The following ADRA1B variants were observed in gnomAD, a reference collection of about 807,000 sequenced individuals.
ADRA1B encodes alpha-1B adrenergic receptor.
A neutral mutation model predicts 17.9 loss-of-function variants in ADRA1B; 17 were observed. The ratio of observed to expected loss-of-function variants is 0.95; its 90% CI spans 0.65 to 1.42. ADRA1B has a LOEUF of 1.42. Ranked by LOEUF, ADRA1B falls within the 40% of genes most tolerant of loss-of-function variation. The pLI is 0.00. For synonymous variants in ADRA1B, 366 were observed against 327.6 expected (o/e 1.12, Z -1.27); for missense variants, 681 against 722.1 (o/e 0.94, Z 0.65).
At chr5:159,886,238 G>C (rs953006295) in intron 1 of ADRA1B, among the ~76,000 whole-genome samples, 4 of 152,132 alleles carry the variant, frequency 2.6e-5, no homozygotes, top group African/African-American at 9.7e-5. Context: ...TAAATGTCTG[G>C]CTCTTTTTTC....
At chr5:159,903,179 G>A (rs1277654862) in intron 1 of ADRA1B, among the ~76,000 whole-genome samples, 1 of 152,134 alleles carries the variant, frequency 6.6e-6, no homozygotes, top group East Asian at 1.9e-4. Context: ...CCAGGCAAGA[G>A]GCCCTGAAAA....
intron 1 of ADRA1B, among the ~76,000 whole-genome samples, chr5:159,945,801 G>A (rs1289615047): frequency 6.6e-6 from 1 of 150,524 alleles, no homozygotes; most frequent in Non-Finnish European, 1.5e-5. Flanking sequence ...AGGCTGGAGT[G>A]CAGTGGCGCG....
chr5:159,956,278 A>G (rs549267482), intron 1 of ADRA1B, among the ~76,000 whole-genome samples: 1 of 152,196 alleles, frequency 6.6e-6, no homozygotes, highest in Non-Finnish European at 1.5e-5. Flanking sequence ...TGCAAAAAGA[A>G]TTTTAAATAC....
At chr5:159,973,787 T>A (rs879347191), downstream of ADRA1B, among the ~76,000 whole-genome samples, 3 of 152,200 alleles carry the variant, frequency 2.0e-5, no homozygotes, top group Non-Finnish European at 2.9e-5. Flanking sequence ...CTTCCCTCTC[T>A]GGATCTTGGT....
upstream of ADRA1B, among the ~76,000 whole-genome samples, chr5:159,912,120 T>C (rs187078297): frequency 6.6e-6 from 1 of 152,318 alleles, no homozygotes; most frequent in East Asian, 1.9e-4. Flanking sequence ...CAGATAGTAT[T>C]ACTATTACTC....
chr5:159,889,456 C>T (rs1753959396), intron 1 of ADRA1B, among the ~76,000 whole-genome samples: 1 of 152,104 alleles, frequency 6.6e-6, no homozygotes, highest in Admixed American at 6.6e-5. Flanking sequence ...GGAGGGAATT[C>T]CCCATTGTCC....
At chr5:159,904,166 T>C (rs1754133162) in intron 1 of ADRA1B, among the ~76,000 whole-genome samples, 1 of 152,218 alleles carries the variant, frequency 6.6e-6, no homozygotes, top group African/African-American at 2.4e-5. Flanking sequence ...ATTTGAACAA[T>C]GAAAATAGCA....
chr5:159,875,626 C>T (rs1753793726), intron 1 of ADRA1B, among the ~76,000 whole-genome samples: 1 of 152,198 alleles, frequency 6.6e-6, no homozygotes, highest in African/African-American at 2.4e-5. Context: ...GGATAGGATT[C>T]CTGCACAGCC....
chr5:159,984,599 CTT>C, the ADRA1B span, among the ~76,000 whole-genome samples: 1 of 152,082 alleles, frequency 6.6e-6, no homozygotes. Context: ...AGAATGATCT[CTT>C]TGAAAAGTAA....
chr5:159,873,208 G>A (rs770691721), intron 1 of ADRA1B, among the ~76,000 whole-genome samples: 5 of 152,102 alleles, frequency 3.3e-5, no homozygotes, highest in Non-Finnish European at 7.4e-5. Context: ...CAAGTCCTTG[G>A]TATTGTAAAT....
At chr5:159,967,343 T>A (rs990382738) in intron 1 of ADRA1B, among the ~76,000 whole-genome samples, 3 of 152,202 alleles carry the variant, frequency 2.0e-5, no homozygotes, top group African/African-American at 7.2e-5. Context: ...TCTGCTTGTA[T>A]GAATTCTATG....
chr5:159,950,841 G>C, intron 1 of ADRA1B: 1 of 598,518 alleles, frequency 1.7e-6, no homozygotes, highest in South Asian at 1.7e-5. Flanking sequence ...GCTTAGAGAT[G>C]ACCCCTACCC....
chr5:159,891,196 A>G (rs1291053789), intron 1 of ADRA1B, among the ~76,000 whole-genome samples: 3 of 152,248 alleles, frequency 2.0e-5, no homozygotes, highest in Non-Finnish European at 2.9e-5. Flanking sequence ...ACCCAACGAT[A>G]CTAATTTCAA....
intron 1 of ADRA1B, chr5:159,866,994 A>G (rs1753662943): frequency 6.6e-6 from 1 of 152,234 alleles, no homozygotes; most frequent in Non-Finnish European, 1.5e-5. Flanking sequence ...CCATAGATCT[A>G]CTTCATAATT....
chr5:159,881,389 A>G (rs909754799), intron 1 of ADRA1B, among the ~76,000 whole-genome samples: 1 of 149,088 alleles, frequency 6.7e-6, no homozygotes, highest in African/African-American at 2.5e-5. Context: ...TGTTCTCTAT[A>G]TCTACCTTCA....
intron 1 of ADRA1B, among the ~76,000 whole-genome samples, chr5:159,965,008 CT>C (rs1755748568): frequency 6.6e-6 from 1 of 152,218 alleles, no homozygotes; most frequent in Non-Finnish European, 1.5e-5. Context: ...ACTTAAGGAT[CT>C]TCTCCAAGGT....
At chr5:159,895,733 T>A (rs1375960673) in intron 1 of ADRA1B, among the ~76,000 whole-genome samples, 2 of 152,240 alleles carry the variant, frequency 1.3e-5, no homozygotes, top group African/African-American at 4.8e-5. Context: ...AGTCCAAATG[T>A]ATTCAAGGCT....
At chr5:159,933,442 A>G (rs981935225) in intron 1 of ADRA1B, among the ~76,000 whole-genome samples, 9 of 152,212 alleles carry the variant, frequency 5.9e-5, no homozygotes, top group African/African-American at 2.2e-4. Flanking sequence ...AGTCTGTTTC[A>G]ACATTGATGA....
intron 1 of ADRA1B, among the ~76,000 whole-genome samples, chr5:159,964,926 C>A (rs900411263): frequency 1.3e-5 from 2 of 152,152 alleles, no homozygotes; most frequent in African/African-American, 4.8e-5. Flanking sequence ...ACTTACCAAG[C>A]CTGAGCTCAC....
Sources: allele counts gnomAD v4.1 joint callset (sites outside exome capture counted in the v4.1 genomes callset), GRCh38; gene constraint gnomAD v4.1.1; transcripts MANE v1.5; gene names NCBI Gene and HGNC (gene_info 2026-07-23, HGNC 2026-07-21).